The following RNF213 variants were observed in gnomAD, a reference collection of about 807,000 sequenced individuals.
RNF213 encodes E3 ubiquitin-protein ligase RNF213.
In RNF213, 341 loss-of-function variants were observed where a neutral mutation model predicts 514.4. The ratio of observed to expected loss-of-function variants is 0.66; its 90% CI spans 0.61 to 0.73. The LOEUF (loss-of-function observed/expected upper bound fraction) is 0.73. RNF213 is among the 30% of genes least tolerant of loss of function. The pLI is 0.00. For synonymous variants in RNF213, 2,655 were observed against 2,658.2 expected (o/e 1.00, Z 0.04); for missense variants, 5,767 against 6,615.6 (o/e 0.87, Z 4.45).
intron 15 of RNF213, among the ~76,000 whole-genome samples, chr17:80,313,646 GATGGTT>G (rs2045663607): frequency 6.7e-6 from 1 of 149,744 alleles, no homozygotes; most frequent in Admixed American, 6.6e-5. Flanking sequence ...TGGTGATGGT[GATGGTT>G]GTGGAGGTGA....
chr17:80,269,456 T>TCCATCCATTCATCTATTCTATCTATC (rs1567990850), intron 2 of RNF213, among the ~76,000 whole-genome samples: 1 of 149,012 alleles, frequency 6.7e-6, no homozygotes, highest in Non-Finnish European at 1.5e-5. Flanking sequence ...ATCCATCTAT[T>TCCATCCATTCATCTATTCTATCTATC]CATCCATCCA....
At chr17:80,277,455 G>A (rs866052218) in intron 3 of RNF213, among the ~76,000 whole-genome samples, 19 of 152,050 alleles carry the variant, frequency 1.2e-4, no homozygotes, top group South Asian at 8.3e-4. Context: ...AAAAGTAGCC[G>A]GGTGTGGTGG....
In RNF213 at chr17:80,353,916, T is replaced by C; in HGVS notation, c.10579-103T>C. On this transcript the variant is annotated intron_variant, in intron 34 of 67. Transcript: ENST00000582970. This position sits in a 1 kb window ranked among gnomAD's most constrained non-coding sequence, Gnocchi z 5.0. Reference sequence around the variant, plus strand: ...TCTTTGTCCGTGAGGACCGCCGCCCTGTGCTGTTTGCTGCATTGAGACCCT... The same window carrying C: ...TCTTTGTCCGTGAGGACCGCCGCCCCGTGCTGTTTGCTGCATTGAGACCCT... The C allele has an allele frequency of 1.4e-6, 2 of 1,473,950 alleles. No homozygotes were observed. The highest frequency in any genetic ancestry group is 1.9e-6 in the Non-Finnish European group (2 of 1,064,392). The allele number at this position is 1,473,950 out of a possible 1,614,324, so 91.3% of individuals were successfully genotyped here.
In RNF213 at chr17:80,394,987, G is replaced by C. The variant is rs886130994; in HGVS notation, c.*1489G>C. On this transcript the variant is annotated 3_prime_UTR_variant, in exon 68 of 68. Coordinates refer to ENST00000582970, the MANE Select transcript of RNF213 (RefSeq NM_001256071.3). ...CTGAAGTCTTCAACTTGCACTCGGA[G>C]CTCCTTTGATACCTCAGAGCTGGCT... is the stretch of plus-strand genomic sequence containing the variant. The C allele has an allele frequency of 6.6e-6, 1 of 152,156 alleles. No homozygotes were observed. The highest frequency in any genetic ancestry group is 2.4e-5 in the African/African-American group (1 of 41,398). The allele number at this position is 152,156 out of a possible 1,614,324, so 9.4% of individuals were successfully genotyped here.
At position 80,347,848 on chromosome 17, in the gene RNF213, G is replaced by A. The variant is rs2078365360; in HGVS notation, c.9513G>A (p.Lys3171=). The change falls in exon 29 of 68, where the codon AAG becomes AAA. Residue 3171 remains lysine (K), a synonymous_variant. Coordinates refer to ENST00000582970, the MANE Select transcript of RNF213 (RefSeq NM_001256071.3). The surrounding 1 kb of genome is among the most constrained non-coding windows in gnomAD (Gnocchi z 7.2). ...TCCCCCTCATTAACCGGCTGGAGAA[G>A]CACTATCTGGATATCAACACGGTGC... ...FPIPLINRLE[K]HYLDINTVLE... 6.2e-7 allele frequency: 1 copy of A among 1,614,080 alleles called. No individual in the cohort carries two copies. Among genetic ancestry groups the A allele is most frequent in the African/African-American group, 1.3e-5 (1 of 74,926 alleles).
intron 8 of RNF213, among the ~76,000 whole-genome samples, chr17:80,292,475 G>C (rs1476854953): frequency 6.6e-6 from 1 of 152,198 alleles, no homozygotes; most frequent in Non-Finnish European, 1.5e-5. Context: ...AGGGACAAGT[G>C]CAGTGACCAG....
intron 1 of RNF213, among the ~76,000 whole-genome samples, chr17:80,261,304 G>T (rs2043409499): frequency 6.6e-6 from 1 of 152,246 alleles, no homozygotes; most frequent in African/African-American, 2.4e-5. Flanking sequence ...GCGCCTGTAC[G>T]AATGGCAACA....
chr17:80,332,456 T>A lies in RNF213; in HGVS notation c.3968T>A (p.Ile1323Asn). The change falls in exon 21 of 68, where the codon ATC (isoleucine) becomes AAC (asparagine). Residue 1323 changes from isoleucine to asparagine, a missense_variant. Ile to Asn is a moderately radical substitution (Grantham distance 149). Around this residue, in one of 13 missense-constraint regions of RNF213, gnomAD observed 516 missense variants for 566.5 expected, o/e 0.91. Coordinates refer to ENST00000582970, the MANE Select transcript of RNF213 (RefSeq NM_001256071.3). The stretch of plus-strand genomic sequence containing the variant: ...ACGGACCTGGATTCAGAACTTAAGA[T>A]CATGTGCACCGTGGACCACCAGGAC... Reference protein sequence around the residue: ...KYTDLDSELKIMCTVDHQDQR... With the variant: ...KYTDLDSELKNMCTVDHQDQR... The A allele has an allele frequency of 6.5e-7, 1 of 1,537,100 alleles. No individual in the cohort carries two copies. The highest frequency in any genetic ancestry group is 8.7e-7 in the Non-Finnish European group (1 of 1,146,850).
chr17:80,373,385 C>T (rs1439238281), intron 49 of RNF213, among the ~76,000 whole-genome samples: 2 of 151,466 alleles, frequency 1.3e-5, no homozygotes, highest in African/African-American at 4.9e-5. Context: ...TCCGCCTGCC[C>T]TTAGCATCCC....
chr17:80,393,649 G>A lies in RNF213; in HGVS notation c.*151G>A. On this transcript the variant is annotated 3_prime_UTR_variant, in exon 68 of 68. Coordinates refer to ENST00000582970, the MANE Select transcript of RNF213 (RefSeq NM_001256071.3). ...AATTCAAGACCAAGGCGTGCTACCT[G>A]AGCTGACAGCTTTTTGAAAGCCGAG... is the stretch of plus-strand genomic sequence containing the variant. 1 of 775,072 alleles carries A rather than the reference G, an allele frequency of 1.3e-6. No individual in the cohort carries two copies. Among genetic ancestry groups the A allele is most frequent in the Non-Finnish European group, 2.1e-6 (1 of 482,962 alleles). The allele number at this position is 775,072 out of a possible 1,614,324, so 48.0% of individuals were successfully genotyped here.
chr17:80,306,398 C>A lies in RNF213; in HGVS notation c.2357C>A (p.Ala786Asp). ...NFIEHLGRFPAHILDCLSGIY... is the reference protein window; with the variant it reads ...NFIEHLGRFPDHILDCLSGIY... ...ATTGAGCACCTGGGTCGTTTTCCTG[C>A]TCATATCCTGGACTGTCTTTCAGGG... The change falls in exon 12 of 68, where the codon GCT (alanine) becomes GAT (aspartate). Residue 786 changes from alanine to aspartate, a missense_variant. By Grantham distance (126) the Ala-to-Asp change is moderately radical. Around this residue, in one of 13 missense-constraint regions of RNF213, gnomAD observed 592 missense variants for 673.9 expected, o/e 0.88. Coordinates refer to ENST00000582970, the MANE Select transcript of RNF213 (RefSeq NM_001256071.3). The A allele has an allele frequency of 2.5e-6, 4 of 1,614,206 alleles. No individual in the cohort carries two copies. Among genetic ancestry groups the A allele is most frequent in the Non-Finnish European group, 3.4e-6 (4 of 1,180,034 alleles).
chr17:80,319,628 C>A, intron 17 of RNF213: 1 of 1,521,802 alleles, frequency 6.6e-7, no homozygotes, highest in Non-Finnish European at 8.8e-7. Context: ...ATCACTGTGG[C>A]TGCTGGTTTG....
chr17:80,261,420 G>A (rs1165065921), intron 1 of RNF213, among the ~76,000 whole-genome samples: 2 of 152,212 alleles, frequency 1.3e-5, no homozygotes, highest in Non-Finnish European at 2.9e-5. Context: ...GAAGTCGCCC[G>A]AGCGCGGGGC....
At chr17:80,361,942 C>G in intron 39 of RNF213, 54 bp downstream of exon 39, 1 of 1,576,208 alleles carries the variant, frequency 6.3e-7, no homozygotes, top group South Asian at 1.1e-5. Flanking sequence ...ATGATGGGGA[C>G]TGGATGCAGA....
At chr17:80,336,580 C>T in intron 23 of RNF213, 2 of 661,076 alleles carry the variant, frequency 3.0e-6, no homozygotes, top group Non-Finnish European at 5.5e-6. Context: ...AATTACATGA[C>T]ACATAGTAAT....
intron 9 of RNF213, 61 bp downstream of exon 9, chr17:80,295,064 T>C (rs1011615387): frequency 1.9e-6 from 3 of 1,600,896 alleles, no homozygotes; most frequent in Non-Finnish European, 2.6e-6. Context: ...GACCTGCTAG[T>C]GGCCGGATGA....
At chr17:80,359,182 A>G (rs2078947142) in intron 37 of RNF213, among the ~76,000 whole-genome samples, 1 of 151,794 alleles carries the variant, frequency 6.6e-6, no homozygotes, top group Non-Finnish European at 1.5e-5. Context: ...AATAGCTTCC[A>G]CTTCAGCTTT....
At position 80,337,952 on chromosome 17, in the gene RNF213, T is replaced by C. The variant is rs1260320523; in HGVS notation, c.4788T>C (p.Ser1596=). Residue 1596 remains serine (S), a synonymous_variant, in exon 25 of 68, where the codon TCT becomes TCC. Coordinates refer to ENST00000582970, the MANE Select transcript of RNF213 (RefSeq NM_001256071.3). ...TTTTGAACAAGTTGATGCTGATGTC[T>C]GGCAAGAAGGATCGTAACAACACGG... ...KELLNKLMLM[S]GKKDRNNTEV... is the part of the protein sequence containing the mutation. 5.9e-6 allele frequency: 9 copies of C among 1,537,184 alleles called. No homozygotes were observed. The highest frequency in any genetic ancestry group is 7.8e-6 in the Non-Finnish European group (9 of 1,146,928).
At chr17:80,277,627 T>TA in intron 3 of RNF213, among the ~76,000 whole-genome samples, 1 of 137,824 alleles carries the variant, frequency 7.3e-6, no homozygotes, top group South Asian at 2.4e-4. Flanking sequence ...AGCCTAAATA[T>TA]CCACATATCC....
Sources: gnomAD v4.1 joint callset for allele counts (sites outside exome capture counted in the v4.1 genomes callset) on GRCh38, gnomAD v4.1.1 for gene constraint, gnomAD v4.1.1 regional missense constraint, Gnocchi (gnomAD v3.1) non-coding constraint, MANE v1.5 for transcripts, NCBI Gene and HGNC (gene_info 2026-07-23, HGNC 2026-07-21) for gene names.